The following RAP1GDS1 variants were observed in gnomAD, a reference collection of about 807,000 sequenced individuals.
The protein encoded by RAP1GDS1 is RAP1, GTP-GDP dissociation stimulator 1.
In RAP1GDS1, 35 loss-of-function variants were observed where a neutral mutation model predicts 71.1. The ratio of observed to expected loss-of-function variants is 0.49; its 90% CI spans 0.38 to 0.65. The LOEUF (loss-of-function observed/expected upper bound fraction) is 0.65, where lower values mean the gene tolerates loss of function less well. RAP1GDS1 is among the 30% of genes least tolerant of loss of function. The pLI, the probability that RAP1GDS1 is intolerant of heterozygous loss-of-function variation, is 0.00. For missense variants in RAP1GDS1, 663 were observed against 706.1 expected (o/e 0.94, Z 0.69); for synonymous variants, 229 against 243.1 (o/e 0.94, Z 0.54).
intron 12 of RAP1GDS1, among the ~76,000 whole-genome samples, chr4:98,432,258 A>T (rs151236088): frequency 2.8e-4 from 42 of 152,292 alleles, no homozygotes; most frequent in African/African-American, 9.9e-4. Flanking sequence ...TCTTCCTTCT[A>T]CTACACTGGT....
chr4:98,266,676 G>T (rs1722752694), intron 1 of RAP1GDS1, among the ~76,000 whole-genome samples: 1 of 152,092 alleles, frequency 6.6e-6, no homozygotes, highest in Non-Finnish European at 1.5e-5. Flanking sequence ...TTTTTCTTAT[G>T]TTGGCATTAT....
intron 1 of RAP1GDS1, among the ~76,000 whole-genome samples, chr4:98,280,290 TG>T (rs1724871875): frequency 6.6e-6 from 1 of 152,258 alleles, no homozygotes; most frequent in Non-Finnish European, 1.5e-5. Flanking sequence ...GACTTTTTAA[TG>T]ATCGCCATTC....
At chr4:98,340,165 A>G (rs1196242340) in intron 2 of RAP1GDS1, among the ~76,000 whole-genome samples, 8 of 152,172 alleles carry the variant, frequency 5.3e-5, no homozygotes, top group Admixed American at 1.3e-4. Context: ...CTACCCAACA[A>G]TTGTATTATT....
chr4:98,310,716 C>T (rs1162988630), intron 2 of RAP1GDS1, among the ~76,000 whole-genome samples: 3 of 151,996 alleles, frequency 2.0e-5, no homozygotes, highest in African/African-American at 7.2e-5. Flanking sequence ...TGTATGCCAT[C>T]CAGTCTAGTA....
chr4:98,311,382 G>T (rs1355353078), intron 2 of RAP1GDS1, among the ~76,000 whole-genome samples: 2 of 152,038 alleles, frequency 1.3e-5, no homozygotes, highest in Non-Finnish European at 2.9e-5. Context: ...TTTACTTCTT[G>T]TAAAGAGAAA....
At chr4:98,378,370 C>T (rs1741486687) in intron 4 of RAP1GDS1, among the ~76,000 whole-genome samples, 2 of 151,462 alleles carry the variant, frequency 1.3e-5, no homozygotes, top group Non-Finnish European at 3.0e-5. Flanking sequence ...TATTGGTGTG[C>T]CCTAGAAGAG....
chr4:98,294,773 G>A (rs1727469878), intron 2 of RAP1GDS1, among the ~76,000 whole-genome samples: 1 of 152,030 alleles, frequency 6.6e-6, no homozygotes, highest in African/African-American at 2.4e-5. Flanking sequence ...AAATTCTTAT[G>A]GATAGCACTG....
At chr4:98,380,084 A>G (rs1316176995) in intron 5 of RAP1GDS1, among the ~76,000 whole-genome samples, 6 of 146,136 alleles carry the variant, frequency 4.1e-5, no homozygotes, top group Non-Finnish European at 9.1e-5. Context: ...CAATAATTCA[A>G]AAAAAAAAAA....
At chr4:98,431,997 T>TA (rs1394291711) in intron 12 of RAP1GDS1, among the ~76,000 whole-genome samples, 1 of 152,176 alleles carries the variant, frequency 6.6e-6, no homozygotes, top group Non-Finnish European at 1.5e-5. Flanking sequence ...ATTTGTTACA[T>TA]AGGTATACAT....
intron 2 of RAP1GDS1, among the ~76,000 whole-genome samples, chr4:98,342,302 T>C (rs1208525298): frequency 6.6e-6 from 1 of 152,188 alleles, no homozygotes; most frequent in Admixed American, 6.5e-5. Context: ...AGGAGCTACA[T>C]ATAGAAACAA....
At chr4:98,333,487 T>G (rs537852289) in intron 2 of RAP1GDS1, among the ~76,000 whole-genome samples, 1 of 152,198 alleles carries the variant, frequency 6.6e-6, no homozygotes, top group South Asian at 2.1e-4. Flanking sequence ...TTTATAAAAT[T>G]TAAGAAGCTA....
intron 2 of RAP1GDS1, among the ~76,000 whole-genome samples, chr4:98,323,014 T>A (rs1369021680): frequency 2.7e-5 from 4 of 150,808 alleles, no homozygotes; most frequent in African/African-American, 9.9e-5. Flanking sequence ...ACAAAATTGA[T>A]AGACCGCTAG....
chr4:98,280,785 T>C (rs1724961766), intron 1 of RAP1GDS1, among the ~76,000 whole-genome samples: 1 of 152,244 alleles, frequency 6.6e-6, no homozygotes. Context: ...TTAATTTTTG[T>C]ATAAGGTGTA....
intron 5 of RAP1GDS1, among the ~76,000 whole-genome samples, chr4:98,380,642 C>T (rs878860807): frequency 2.0e-5 from 3 of 151,740 alleles, no homozygotes; most frequent in South Asian, 4.2e-4. Context: ...TACATATTTC[C>T]TAAATAATTG....
rs80188910 is a variant in RAP1GDS1, at chr4:98,347,461, C to T, written c.235+4200C>T. ...TATTTTTATTGATATTGAAATAGAG[C>T]AGTACCTATTCCTTAAACCTCTGTA... On this transcript the variant is annotated intron_variant, in intron 3 of 14. Transcript: ENST00000408927. Among the ~76,000 whole-genome samples, 1,208 of 152,210 alleles carry T rather than the reference C, an allele frequency of 7.9e-3. 16 individuals carry two copies. The highest frequency in any genetic ancestry group is 0.028 in the African/African-American group (1,156 of 41,524).
rs554903669 is a variant in RAP1GDS1, at chr4:98,280,776, T to G, written c.5-12632T>G. 4.0e-3 allele frequency among the ~76,000 whole-genome samples: 614 copies of G among 152,348 alleles called. 2 individuals carry two copies. Among genetic ancestry groups the G allele is most frequent in the African/African-American group, 0.014 (582 of 41,582 alleles). Reference sequence around the variant, plus strand: ...TTTAAGTCTTTAATCCATCTTGAATTAATTTTTGTATAAGGTGTAAGGAAG... The same window carrying G: ...TTTAAGTCTTTAATCCATCTTGAATGAATTTTTGTATAAGGTGTAAGGAAG... On this transcript the variant is annotated intron_variant, in intron 1 of 14. Transcript: ENST00000408927.
chr4:98,285,968 T>G (rs986071161), intron 1 of RAP1GDS1, among the ~76,000 whole-genome samples: 3 of 149,722 alleles, frequency 2.0e-5, no homozygotes, highest in Non-Finnish European at 4.4e-5. Flanking sequence ...GCACATTTTA[T>G]TAAGATTATT....
intron 4 of RAP1GDS1, among the ~76,000 whole-genome samples, chr4:98,364,777 A>C: frequency 6.6e-6 from 1 of 152,064 alleles, no homozygotes; most frequent in Admixed American, 6.6e-5. Flanking sequence ...CTGTAATCCC[A>C]GCATTTTGGG....
chr4:98,386,636 A>G (rs2110117261), intron 5 of RAP1GDS1, among the ~76,000 whole-genome samples: 1 of 151,862 alleles, frequency 6.6e-6, no homozygotes, highest in East Asian at 1.9e-4. Flanking sequence ...TAAAGCGACA[A>G]TCTGGGTGCA....
Sources: allele counts gnomAD v4.1 joint callset (sites outside exome capture counted in the v4.1 genomes callset), GRCh38; gene constraint gnomAD v4.1.1; transcripts MANE v1.5; gene names NCBI Gene and HGNC (gene_info 2026-07-23, HGNC 2026-07-21).